TRRAP: variants seen among roughly 807,000 people sequenced by gnomAD.
The protein encoded by TRRAP is transformation/transcription domain-associated protein.
TRRAP carries 41 observed loss-of-function variants against 438.8 expected under a neutral mutation model. The observed-to-expected ratio is 0.09, with a 90% CI of 0.07 to 0.12. The LOEUF is 0.12. Ranked by LOEUF, TRRAP falls within the 10% of genes least tolerant of loss-of-function variation. TRRAP has a pLI of 1.00. For synonymous variants in TRRAP, 1,994 were observed against 1,962.9 expected (o/e 1.02, Z -0.42); for missense variants, 3,122 against 5,055.1 (o/e 0.62, Z 11.60).
intron 67 of TRRAP, among the ~76,000 whole-genome samples, chr7:99,000,085 G>A (rs995542498): frequency 2.0e-5 from 3 of 152,108 alleles, no homozygotes; most frequent in Non-Finnish European, 2.9e-5. Flanking sequence ...TCAGCTCACC[G>A]CCACCTCTGC....
At chr7:98,999,879 C>G in intron 67 of TRRAP, 1 of 402,414 alleles carries the variant, frequency 2.5e-6, no homozygotes, top group Non-Finnish European at 4.5e-6. Flanking sequence ...CTTAAATACT[C>G]GCCAGGGCCA....
chr7:98,894,620 G>C (rs1796114971), intron 6 of TRRAP, among the ~76,000 whole-genome samples: 2 of 65,976 alleles, frequency 3.0e-5, no homozygotes, highest in Admixed American at 3.5e-4. Context: ...CTTTTCTTTT[G>C]TTGTTTTTTT....
chr7:98,926,659 C>T (rs1364594043), intron 22 of TRRAP, among the ~76,000 whole-genome samples: 4 of 151,616 alleles, frequency 2.6e-5, no homozygotes. Flanking sequence ...GAAAAAGAGC[C>T]AAGAAAATGA....
At chr7:98,977,773 T>A (rs900157316) in intron 56 of TRRAP, among the ~76,000 whole-genome samples, 5 of 152,230 alleles carry the variant, frequency 3.3e-5, no homozygotes, top group African/African-American at 1.2e-4. Context: ...GAAGCAGATG[T>A]GGCCTTGCGG....
rs1029840172 is a variant in TRRAP, at chr7:98,984,363, G to A, written c.9288+5G>A. On this transcript the variant is annotated splice_donor_5th_base_variant and intron_variant, in intron 61 of 72. Coordinates refer to ENST00000456197, the MANE Select transcript of TRRAP (RefSeq NM_001375524.1). The stretch of plus-strand genomic sequence containing the variant: ...GGCAAAAACGAGTGCATGCAGGTGC[G>A]GACAGGACACTTGAAGAATGAGGCC... 8.4e-6 allele frequency: 13 copies of A among 1,550,936 alleles called. No individual in the cohort carries two copies. Among genetic ancestry groups the A allele is most frequent in the African/African-American group, 6.9e-5 (5 of 72,972 alleles).
rs189339918 is a variant in TRRAP at position 98,958,080 on chromosome 7, G to T, written c.6331G>T (p.Val2111Leu). The T allele has an allele frequency of 6.2e-7, 1 of 1,614,004 alleles. No individual in the cohort carries two copies. The highest frequency in any genetic ancestry group is 1.7e-5 in the Admixed American group (1 of 59,996). ...TDTVVNFLIR[V>L]ACQVNDNTNT... ...CACTGTGGTGAACTTCCTTATCCGCGTGGCCTGTCAGGTACGGGATCCAAG... is the reference window on the plus strand; with the variant it reads ...CACTGTGGTGAACTTCCTTATCCGCTTGGCCTGTCAGGTACGGGATCCAAG... The change falls in exon 44 of 73, where the codon GTG becomes TTG. Residue 2111 changes from valine (V) to leucine (L), a missense_variant. Val to Leu is a conservative substitution (Grantham distance 32, BLOSUM62 1). Transcript: ENST00000456197.
At chr7:98,921,277 A>G (rs1478692870) in intron 20 of TRRAP, among the ~76,000 whole-genome samples, 7 of 152,238 alleles carry the variant, frequency 4.6e-5, no homozygotes, top group Non-Finnish European at 1.0e-4. Flanking sequence ...TTGGAAGAAC[A>G]TGCAAGACTA....
rs1477387515 is a variant in TRRAP at position 98,992,234 on chromosome 7, C to G, written c.9847+7C>G. On this transcript the variant is annotated splice_region_variant and intron_variant, in intron 65 of 72. Transcript: ENST00000456197. ...CGGGAACGCTACAAGAGCGGTACGTCTCGGGTGGGGCCGGTAGGCCAGGCC... is the reference window on the plus strand; with the variant it reads ...CGGGAACGCTACAAGAGCGGTACGTGTCGGGTGGGGCCGGTAGGCCAGGCC... 2 of 1,613,734 alleles carry G rather than the reference C, an allele frequency of 1.2e-6. No individual in the cohort carries two copies. Among genetic ancestry groups the G allele is most frequent in the Non-Finnish European group, 1.7e-6 (2 of 1,179,992 alleles).
Position 99,005,849 on chromosome 7 carries a change from A to G in TRRAP, c.10753+501A>G, listed in dbSNP as rs893836376. On this transcript the variant is annotated intron_variant, in intron 69 of 72. Coordinates refer to ENST00000456197, the MANE Select transcript of TRRAP (RefSeq NM_001375524.1). The surrounding 1 kb of genome is among the most constrained non-coding windows in gnomAD (Gnocchi z 5.1). ...GGCCCCTGGAGAGCTGGGGCGTCTC[A>G]GTGGGTGCTGCCGGTTTTGCTTCTC... Among the ~76,000 whole-genome samples the G allele has an allele frequency of 6.6e-6, 1 of 152,020 alleles. No homozygotes were observed. The highest frequency in any genetic ancestry group is 2.4e-5 in the African/African-American group (1 of 41,382).
Position 99,005,065 on chromosome 7 carries a change from T to G in TRRAP, c.10536-66T>G. The G allele has an allele frequency of 1.1e-5, 17 of 1,537,260 alleles. No homozygotes were observed. Among genetic ancestry groups the G allele is most frequent in the East Asian group, 4.5e-5 (2 of 44,412 alleles). ...CGTGACAGTTCGGACATTCCTAGCT[T>G]CTTCTCAAGACAAGGACTGGTAGCA... On this transcript the variant is annotated intron_variant, in intron 68 of 72. Transcript: ENST00000456197. The surrounding 1 kb of genome is among the most constrained non-coding windows in gnomAD (Gnocchi z 5.1).
intron 51 of TRRAP, among the ~76,000 whole-genome samples, chr7:98,969,132 C>G (rs1376863991): frequency 6.6e-6 from 1 of 152,232 alleles, no homozygotes; most frequent in Non-Finnish European, 1.5e-5. Context: ...ACCACCTCCC[C>G]TCCTACTGAT....
chr7:98,905,603 G>T (rs1554407413), intron 12 of TRRAP, among the ~76,000 whole-genome samples: 2 of 152,174 alleles, frequency 1.3e-5, no homozygotes, highest in Admixed American at 6.6e-5. Flanking sequence ...GTAAGTTTAG[G>T]GGTGGTTCCA....
At position 98,976,158 on chromosome 7, in the gene TRRAP, C is replaced by G. The variant is rs1360196420; in HGVS notation, c.7849C>G (p.Leu2617Val). The G allele has an allele frequency of 6.2e-7, 1 of 1,613,872 alleles. No homozygotes were observed. The highest frequency in any genetic ancestry group is 1.3e-5 in the African/African-American group (1 of 74,950). The change falls in exon 54 of 73, where the codon CTG (leucine) becomes GTG (valine). Residue 2617 changes from leucine to valine, a missense_variant. By Grantham distance (32) the Leu-to-Val change is conservative. Coordinates refer to ENST00000456197, the MANE Select transcript of TRRAP (RefSeq NM_001375524.1). This position sits in a 1 kb window ranked among gnomAD's most constrained non-coding sequence, Gnocchi z 4.6. ...DTLREVKTGA[L>V]LSAFVQLCHI... ...GTCTTTCTGTTCATAGACTGGAGCG[C>G]TGCTCAGCGCTTTCGTTCAGCTGTG...
At chr7:98,982,645 C>T (rs1792984408) in intron 59 of TRRAP, among the ~76,000 whole-genome samples, 1 of 152,132 alleles carries the variant, frequency 6.6e-6, no homozygotes, top group East Asian at 1.9e-4. Flanking sequence ...TTTGGATAGG[C>T]TGAGGATTGT....
chr7:98,981,406 AAATAAT>A (rs992056801), intron 58 of TRRAP, among the ~76,000 whole-genome samples: 7 of 152,124 alleles, frequency 4.6e-5, no homozygotes, highest in Non-Finnish European at 7.4e-5. Context: ...CGTCTCAAAA[AAATAAT>A]AATAATAATG....
intron 13 of TRRAP, among the ~76,000 whole-genome samples, chr7:98,906,608 T>C: frequency 6.6e-6 from 1 of 151,862 alleles, no homozygotes; most frequent in East Asian, 1.9e-4. Flanking sequence ...AATTTTTGTA[T>C]TTTTAGTAGA....
intron 11 of TRRAP, among the ~76,000 whole-genome samples, chr7:98,902,738 G>A (rs1796525488): frequency 6.6e-6 from 1 of 151,936 alleles, no homozygotes; most frequent in African/African-American, 2.4e-5. Flanking sequence ...TGACTCCACT[G>A]TTGTTCACAA....
At position 98,908,278 on chromosome 7, in the gene TRRAP, A is replaced by C. The variant is rs1796882398; in HGVS notation, c.1116-450A>C. Among the ~76,000 whole-genome samples the C allele has an allele frequency of 6.6e-6, 1 of 152,232 alleles. No individual in the cohort carries two copies. On this transcript the variant is annotated intron_variant, in intron 13 of 72. Coordinates refer to ENST00000456197, the MANE Select transcript of TRRAP (RefSeq NM_001375524.1). The surrounding 1 kb of genome is among the most constrained non-coding windows in gnomAD (Gnocchi z 4.1). ...TCACTGGGGTGTCCCTGGCAGGCCC[A>C]GGATCTGGCACATGACAGGTGTCCT...
chr7:98,889,594 C>G (rs1053370348), intron 3 of TRRAP, among the ~76,000 whole-genome samples: 1 of 144,342 alleles, frequency 6.9e-6, no homozygotes, highest in Admixed American at 7.2e-5. Flanking sequence ...GTTGCCTAGG[C>G]TGGTGTGCAG....
Sources: gnomAD v4.1 joint callset for allele counts (sites outside exome capture counted in the v4.1 genomes callset) on GRCh38, gnomAD v4.1.1 for gene constraint, Gnocchi (gnomAD v3.1) non-coding constraint, MANE v1.5 for transcripts, NCBI Gene and HGNC (gene_info 2026-07-23, HGNC 2026-07-21) for gene names.